Variants in SIAH3 observed in about 807,000 individuals in gnomAD.
SIAH3 encodes the protein siah E3 ubiquitin protein ligase family member 3.
Under a neutral mutation model 12.6 loss-of-function variants are expected in SIAH3, and 9 were observed. That is an observed-to-expected ratio of 0.72 (90% CI 0.43 to 1.25). The LOEUF (loss-of-function observed/expected upper bound fraction) is 1.25, where lower values mean the gene tolerates loss of function less well. Among genes scored for constraint, SIAH3 ranks in the 50% most tolerant of loss-of-function variants. SIAH3 has a pLI of 0.00. For synonymous variants in SIAH3, 154 were observed against 151.1 expected (o/e 1.02, Z -0.14); for missense variants, 390 against 365.4 (o/e 1.07, Z -0.55).
intron 1 of SIAH3, among the ~76,000 whole-genome samples, chr13:45,826,319 A>G (rs1332574558): frequency 6.6e-6 from 1 of 151,430 alleles, no homozygotes; most frequent in African/African-American, 2.4e-5. Flanking sequence ...CTAAATAAAC[A>G]TTTAAATGGA....
chr13:45,851,658 G>A lies in SIAH3; in HGVS notation c.-29C>T. ...AACTTTTGGGGGGTTGTTGGTCCGGGAAGGCAGCGGAGGAAGCTGTGAGTC... is the reference window on the plus strand; with the variant it reads ...AACTTTTGGGGGGTTGTTGGTCCGGAAAGGCAGCGGAGGAAGCTGTGAGTC... On this transcript the variant is annotated 5_prime_UTR_variant, in exon 1 of 2. Coordinates refer to ENST00000400405, the MANE Select transcript of SIAH3 (RefSeq NM_198849.3). 6.2e-7 allele frequency: 1 copy of A among 1,613,860 alleles called. No homozygotes were observed. The highest frequency in any genetic ancestry group is 8.5e-7 in the Non-Finnish European group (1 of 1,179,828).
intron 1 of SIAH3, among the ~76,000 whole-genome samples, chr13:45,838,803 C>T (rs1950728395): frequency 6.6e-6 from 1 of 151,862 alleles, no homozygotes; most frequent in Admixed American, 6.6e-5. Flanking sequence ...GTGTTTTTCT[C>T]CCGCTTTCTA....
chr13:45,815,000 G>A (rs552940422), intron 1 of SIAH3, among the ~76,000 whole-genome samples: 33 of 152,090 alleles, frequency 2.2e-4, no homozygotes, highest in Non-Finnish European at 3.8e-4. Context: ...TGGGATTACA[G>A]GCATGAGCCA....
intron 1 of SIAH3, among the ~76,000 whole-genome samples, chr13:45,834,590 G>A (rs1244698004): frequency 1.3e-5 from 2 of 152,168 alleles, no homozygotes; most frequent in Admixed American, 1.3e-4. Context: ...CAGCATCCCG[G>A]TCCTCTTGGA....
Position 45,783,524 on chromosome 13 carries a change from C to A in SIAH3, c.669G>T (p.Glu223Asp). 6.2e-7 allele frequency: 1 copy of A among 1,614,228 alleles called. No individual in the cohort carries two copies. Among genetic ancestry groups the A allele is most frequent in the Admixed American group, 1.7e-5 (1 of 60,034 alleles). ...CGTCCGTAATCACCGAGTCCACGCA[C>A]TCAAGAACAGACCGGGGCGTGGCCT... ...KWEATPRSVL[E>D]CVDSVITDGD... is the part of the protein sequence containing the mutation. Residue 223 changes from glutamate (E) to aspartate (D), a missense_variant, in exon 2 of 2, where the codon GAG becomes GAT. Coordinates refer to ENST00000400405, the MANE Select transcript of SIAH3 (RefSeq NM_198849.3).
intron 1 of SIAH3, among the ~76,000 whole-genome samples, chr13:45,830,741 A>G (rs1028428578): frequency 6.6e-6 from 1 of 152,150 alleles, no homozygotes; most frequent in African/African-American, 2.4e-5. Context: ...GCAGTTTTAT[A>G]CCATGTCAGA....
intron 1 of SIAH3, among the ~76,000 whole-genome samples, chr13:45,796,502 A>G (rs1298149063): frequency 2.0e-5 from 3 of 152,318 alleles, no homozygotes; most frequent in East Asian, 1.9e-4. Context: ...CTCAGGGAGC[A>G]TGAGCTCCCT....
chr13:45,785,005 G>T (rs1214986086), intron 1 of SIAH3, among the ~76,000 whole-genome samples: 1 of 152,222 alleles, frequency 6.6e-6, no homozygotes, highest in Non-Finnish European at 1.5e-5. Context: ...TCCTCCATGT[G>T]TCATGAAGAC....
rs1158507291 is a variant in SIAH3, at chr13:45,781,884, G to T, written c.*1499C>A. 6.6e-6 allele frequency: 1 copy of T among 152,324 alleles called. No homozygotes were observed. Among genetic ancestry groups the T allele is most frequent in the African/African-American group, 2.4e-5 (1 of 41,570 alleles). 9.4% of individuals were successfully genotyped at this position (152,324 alleles called of 1,614,324 possible). On this transcript the variant is annotated 3_prime_UTR_variant, in exon 2 of 2. Coordinates refer to ENST00000400405, the MANE Select transcript of SIAH3 (RefSeq NM_198849.3). ...TGCCTGCCAGGACCAAGCCGAGGGG[G>T]TGAGGTGCAGGAACAGGGCACGGAG...
intron 1 of SIAH3, among the ~76,000 whole-genome samples, chr13:45,807,920 A>T (rs1950603476): frequency 6.6e-6 from 1 of 152,224 alleles, no homozygotes; most frequent in Non-Finnish European, 1.5e-5. Flanking sequence ...TTAACAACCC[A>T]GGTAGTAAAT....
rs1300269411 is a variant in SIAH3, at chr13:45,780,748, A to T, written c.*2635T>A. 1 of 152,246 alleles carries T rather than the reference A, an allele frequency of 6.6e-6. No homozygotes were observed. The highest frequency in any genetic ancestry group is 1.5e-5 in the Non-Finnish European group (1 of 68,044). 9.4% of individuals were successfully genotyped at this position (152,246 alleles called of 1,614,324 possible). Reference sequence around the variant, plus strand: ...CTTCAAGAACACCAAGTTTGCAGTCAGTTGATCTGGGTTTTGGTTGTGGTC... The same window carrying T: ...CTTCAAGAACACCAAGTTTGCAGTCTGTTGATCTGGGTTTTGGTTGTGGTC... On this transcript the variant is annotated 3_prime_UTR_variant, in exon 2 of 2. Transcript: ENST00000400405.
At chr13:45,831,727 G>T (rs182770403) in intron 1 of SIAH3, among the ~76,000 whole-genome samples, 1 of 152,170 alleles carries the variant, frequency 6.6e-6, no homozygotes, top group Non-Finnish European at 1.5e-5. Context: ...TGAGAAAGAA[G>T]ATGGAACAGC....
At chr13:45,814,464 T>C (rs1206221228) in intron 1 of SIAH3, among the ~76,000 whole-genome samples, 1 of 151,990 alleles carries the variant, frequency 6.6e-6, no homozygotes, top group Non-Finnish European at 1.5e-5. Flanking sequence ...CATGGAAGGC[T>C]TCTTAGAAGT....
chr13:45,837,966 T>G (rs141800286), intron 1 of SIAH3, among the ~76,000 whole-genome samples: 160 of 152,330 alleles, frequency 1.1e-3, no homozygotes, highest in African/African-American at 3.6e-3. Context: ...CTCATAAAAT[T>G]AACCTCGTTT....
At chr13:45,839,558 T>C (rs190890972) in intron 1 of SIAH3, among the ~76,000 whole-genome samples, 215 of 152,314 alleles carry the variant, frequency 1.4e-3, no homozygotes, top group East Asian at 6.2e-3. Context: ...TTAGGCCAGG[T>C]GCGGTGGCTC....
chr13:45,844,185 T>A (rs928016335), intron 1 of SIAH3, among the ~76,000 whole-genome samples: 2 of 152,212 alleles, frequency 1.3e-5, no homozygotes, highest in African/African-American at 4.8e-5. Context: ...AGGTGTCAAG[T>A]TGACTGAATT....
At chr13:45,791,651 A>T (rs901464129) in intron 1 of SIAH3, among the ~76,000 whole-genome samples, 2 of 152,240 alleles carry the variant, frequency 1.3e-5, no homozygotes, top group African/African-American at 4.8e-5. Flanking sequence ...CCCAGCTGCC[A>T]GTGTGAGAAG....
chr13:45,824,629 G>A (rs1950667244), intron 1 of SIAH3, among the ~76,000 whole-genome samples: 1 of 152,142 alleles, frequency 6.6e-6, no homozygotes, highest in South Asian at 2.1e-4. Context: ...AACCACTGTG[G>A]GGAAAGAGAC....
Position 45,839,793 on chromosome 13 carries a change from C to T in SIAH3, c.135+11702G>A, listed in dbSNP as rs183701327. Among the ~76,000 whole-genome samples the T allele has an allele frequency of 1.1e-4, 16 of 152,244 alleles. No individual in the cohort carries two copies. The East Asian group carries it at 3.1e-3, about 29-fold the overall frequency. On this transcript the variant is annotated intron_variant, in intron 1 of 1. Transcript: ENST00000400405. Reference sequence around the variant, plus strand: ...GTTGCAGTGAGCTGAGATCGCACCACTGCACTCCAGCCTGGGCAACAGAGT... The same window carrying T: ...GTTGCAGTGAGCTGAGATCGCACCATTGCACTCCAGCCTGGGCAACAGAGT...
Sources: allele counts gnomAD v4.1 joint callset (sites outside exome capture counted in the v4.1 genomes callset), GRCh38; gene constraint gnomAD v4.1.1; transcripts MANE v1.5; gene names NCBI Gene and HGNC (gene_info 2026-07-23, HGNC 2026-07-21).